Variants in KCNN3 observed in about 807,000 individuals in gnomAD.
KCNN3 encodes potassium calcium-activated channel subfamily N member 3, also known as small conductance calcium-activated potassium channel protein 3.
A neutral mutation model predicts 62.9 loss-of-function variants in KCNN3; 16 were observed. The ratio of observed to expected loss-of-function variants is 0.25; its 90% CI spans 0.17 to 0.39. The LOEUF is 0.39. Ranked by LOEUF, KCNN3 falls within the 10% of genes least tolerant of loss-of-function variation. The pLI, the probability that KCNN3 is intolerant of heterozygous loss-of-function variation, is 1.00. For synonymous variants in KCNN3, 370 were observed against 389.2 expected, an observed-to-expected ratio of 0.95 and a Z score of 0.58; for missense variants, 599 against 949.4, an observed-to-expected ratio of 0.63 and a Z score of 4.85.
intron 1 of KCNN3, among the ~76,000 whole-genome samples, chr1:154,844,724 G>A (rs1433825199): frequency 6.6e-6 from 1 of 152,210 alleles, no homozygotes; most frequent in Non-Finnish European, 1.5e-5. Context: ...GAAACTAGGG[G>A]GCCAGTTGCA....
Position 154,707,861 on chromosome 1 carries a change from G to T in KCNN3, c.*115C>A. On this transcript the variant is annotated 3_prime_UTR_variant, in exon 8 of 8. Coordinates refer to ENST00000271915, the MANE Select transcript of KCNN3 (RefSeq NM_002249.6). ...GAACATGAGTTAGTTAATTAGCTCG[G>T]TCTCTCTTCTTTCCGTTCCCTGGTC... The T allele has an allele frequency of 2.5e-6, 3 of 1,197,128 alleles. No homozygotes were observed. The highest frequency in any genetic ancestry group is 3.6e-6 in the Non-Finnish European group (3 of 842,190). 74.2% of individuals were successfully genotyped at this position (1,197,128 alleles called of 1,614,324 possible).
intron 5 of KCNN3, among the ~76,000 whole-genome samples, chr1:154,720,711 A>G (rs950420879): frequency 3.3e-5 from 5 of 152,356 alleles, no homozygotes; most frequent in Middle Eastern, 3.4e-3. Context: ...TAATTTGTTC[A>G]GAGCTAAGCC....
intron 2 of KCNN3, among the ~76,000 whole-genome samples, chr1:154,816,475 C>T (rs374864601): frequency 6.6e-6 from 1 of 152,240 alleles, no homozygotes; most frequent in East Asian, 1.9e-4. Context: ...CTACCTGCTA[C>T]GTGCCCGGCA....
chr1:154,738,620 A>G (rs143418631), intron 3 of KCNN3, among the ~76,000 whole-genome samples: 13 of 152,328 alleles, frequency 8.5e-5, no homozygotes, highest in African/African-American at 2.4e-4. Context: ...GGTGCGGAGG[A>G]CAACCCGTCC....
chr1:154,713,066 G>A (rs1356761287), intron 7 of KCNN3, among the ~76,000 whole-genome samples: 3 of 152,106 alleles, frequency 2.0e-5, no homozygotes, highest in South Asian at 4.1e-4. Context: ...CAGCAAACCG[G>A]TGTGACCTGG....
chr1:154,750,406 G>T (rs894301585), intron 3 of KCNN3, among the ~76,000 whole-genome samples: 4 of 152,200 alleles, frequency 2.6e-5, no homozygotes, highest in Non-Finnish European at 5.9e-5. Flanking sequence ...TCTGCCTCTT[G>T]AACTGAGAGA....
chr1:154,853,694 A>G lies in KCNN3; in HGVS notation c.933+15338T>C, dbSNP rs569819752. Among the ~76,000 whole-genome samples, 557 of 152,338 alleles carry G rather than the reference A, an allele frequency of 3.7e-3. 3 individuals are homozygous for G. The highest frequency in any genetic ancestry group is 0.014 in the Middle Eastern group (4 of 294). ...CATGGTGGCTCATGCCTGTAATCCC[A>G]GCACTTTGGGAGGGCAAGGCAGGCA... On this transcript the variant is annotated intron_variant, in intron 1 of 7. Transcript: ENST00000271915.
intron 1 of KCNN3, among the ~76,000 whole-genome samples, chr1:154,832,411 C>T (rs797016511): frequency 6.6e-6 from 1 of 152,044 alleles, no homozygotes; most frequent in African/African-American, 2.4e-5. Flanking sequence ...CTAGTCCCAG[C>T]CCCCAGATCT....
At chr1:154,845,441 G>A (rs1652014711) in intron 1 of KCNN3, among the ~76,000 whole-genome samples, 1 of 152,188 alleles carries the variant, frequency 6.6e-6, no homozygotes, top group Non-Finnish European at 1.5e-5. Flanking sequence ...AGATGCACCT[G>A]CATTTGGGAG....
chr1:154,820,001 A>C (rs1324338460), intron 2 of KCNN3, among the ~76,000 whole-genome samples: 1 of 152,234 alleles, frequency 6.6e-6, no homozygotes, highest in Non-Finnish European at 1.5e-5. Flanking sequence ...CAGAGTCAGG[A>C]TTCAACACAA....
intron 2 of KCNN3, among the ~76,000 whole-genome samples, chr1:154,813,404 C>G (rs996121041): frequency 6.6e-6 from 1 of 152,066 alleles, no homozygotes; most frequent in Non-Finnish European, 1.5e-5. Flanking sequence ...TTCAGCCTCC[C>G]GGGCCGCCTC....
intron 1 of KCNN3, among the ~76,000 whole-genome samples, chr1:154,834,539 T>C (rs557825568): frequency 3.3e-5 from 5 of 152,282 alleles, no homozygotes; most frequent in Admixed American, 6.5e-5. Context: ...TCCACACTAA[T>C]TGATTCAAGT....
In KCNN3 at chr1:154,822,132, A is replaced by C; in HGVS notation, c.986T>G (p.Ile329Ser). ...LKCLISLSTI[I>S]LLGLIIAYHT... ...GTAGGCGATGATCAAGCCCAAAAGG[A>C]TGATGGTGGACAGACTGATAAGGCA... is the stretch of plus-strand genomic sequence containing the variant. The change falls in exon 2 of 8, where the codon ATC becomes AGC. Residue 329 changes from isoleucine (I) to serine (S), a missense_variant. This residue lies in a region of KCNN3 where 288 missense variants were observed against 557.4 expected (regional missense o/e 0.52). Coordinates refer to ENST00000271915, the MANE Select transcript of KCNN3 (RefSeq NM_002249.6). 1.2e-6 allele frequency: 2 copies of C among 1,614,172 alleles called. No individual in the cohort carries two copies. The highest frequency in any genetic ancestry group is 1.7e-6 in the Non-Finnish European group (2 of 1,179,990).
intron 3 of KCNN3, among the ~76,000 whole-genome samples, chr1:154,760,416 G>C (rs1286539863): frequency 1.3e-5 from 2 of 150,918 alleles, no homozygotes; most frequent in Non-Finnish European, 3.0e-5. Context: ...AATCACGCAG[G>C]TGAAATCAGA....
chr1:154,722,751 T>C (rs1433986895), intron 5 of KCNN3, among the ~76,000 whole-genome samples: 2 of 141,658 alleles, frequency 1.4e-5, no homozygotes, highest in African/African-American at 5.3e-5. Flanking sequence ...TTCTTTTTTT[T>C]GACAGAGTCT....
chr1:154,795,166 C>T (rs988024637), intron 2 of KCNN3, among the ~76,000 whole-genome samples: 4 of 152,170 alleles, frequency 2.6e-5, no homozygotes, highest in African/African-American at 7.2e-5. Context: ...CCACCATGCC[C>T]GTCGCCCAGC....
chr1:154,720,181 C>T (rs534553678), intron 5 of KCNN3, among the ~76,000 whole-genome samples: 30 of 152,284 alleles, frequency 2.0e-4, no homozygotes, highest in African/African-American at 5.5e-4. Flanking sequence ...TTGCATAGGC[C>T]GGGGGCCCAC....
chr1:154,817,689 C>T (rs975959995), intron 2 of KCNN3, among the ~76,000 whole-genome samples: 2 of 152,206 alleles, frequency 1.3e-5, no homozygotes, highest in Non-Finnish European at 2.9e-5. Flanking sequence ...TGCCTGCTAG[C>T]CTGCCTTCCA....
At chr1:154,758,489 G>C (rs1006110475) in intron 3 of KCNN3, among the ~76,000 whole-genome samples, 1 of 152,258 alleles carries the variant, frequency 6.6e-6, no homozygotes, top group South Asian at 2.1e-4. Flanking sequence ...CTGTCTGAGA[G>C]GGCCCGCAGG....
Sources: gnomAD v4.1 joint callset for allele counts (sites outside exome capture counted in the v4.1 genomes callset) on GRCh38, gnomAD v4.1.1 for gene constraint, gnomAD v4.1.1 regional missense constraint, MANE v1.5 for transcripts, NCBI Gene and HGNC (gene_info 2026-07-23, HGNC 2026-07-21) for gene names.